Variants in SLC35F1 observed in about 807,000 individuals in gnomAD.
SLC35F1 encodes chromosome 6 open reading frame 169.
Under a neutral mutation model 48.7 loss-of-function variants are expected in SLC35F1, and 14 were observed. The observed-to-expected ratio is 0.29, with a 90% CI of 0.19 to 0.45. The LOEUF (loss-of-function observed/expected upper bound fraction) is 0.45. Among genes scored for constraint, SLC35F1 ranks in the 20% least tolerant of loss-of-function variants. The probability of loss-of-function intolerance (pLI) is 1.00; values close to 1 mark genes in which losing one functional copy is unlikely to be tolerated. For synonymous variants in SLC35F1, 190 were observed against 202.2 expected (o/e 0.94, Z 0.51); for missense variants, 404 against 500.0 (o/e 0.81, Z 1.83).
intron 1 of SLC35F1, among the ~76,000 whole-genome samples, chr6:117,927,098 A>C (rs1406680938): frequency 1.3e-5 from 2 of 152,226 alleles, no homozygotes; most frequent in Admixed American, 6.5e-5. Flanking sequence ...TGTGAAATTC[A>C]GTAAGAGTAC....
intron 6 of SLC35F1, among the ~76,000 whole-genome samples, chr6:118,281,042 A>C (rs1775976822): frequency 6.6e-6 from 1 of 151,974 alleles, no homozygotes; most frequent in Admixed American, 6.6e-5. Flanking sequence ...ATTGTTTTTA[A>C]GAATTACAAA....
At chr6:118,184,477 C>A (rs1308715076) in intron 2 of SLC35F1, among the ~76,000 whole-genome samples, 1 of 152,156 alleles carries the variant, frequency 6.6e-6, no homozygotes, top group African/African-American at 2.4e-5. Flanking sequence ...GCAACCAATG[C>A]CCTAACTCCA....
intron 1 of SLC35F1, among the ~76,000 whole-genome samples, chr6:118,025,547 G>GTGAT (rs1777451253): frequency 6.6e-6 from 1 of 152,152 alleles, no homozygotes; most frequent in Admixed American, 6.5e-5. Context: ...TGAGTGGGGA[G>GTGAT]TGATGTTCCA....
chr6:118,251,703 T>C (rs901210014), intron 3 of SLC35F1, among the ~76,000 whole-genome samples: 1 of 152,126 alleles, frequency 6.6e-6, no homozygotes, highest in African/African-American at 2.4e-5. Flanking sequence ...TAGTTTTAAG[T>C]GGCTAAAAAG....
intron 1 of SLC35F1, among the ~76,000 whole-genome samples, chr6:118,112,477 G>A (rs917760642): frequency 6.6e-6 from 1 of 152,058 alleles, no homozygotes; most frequent in Non-Finnish European, 1.5e-5. Context: ...TGTCTATGAA[G>A]CTGTTCTTTC....
At chr6:118,074,822 C>A (rs779215006) in intron 1 of SLC35F1, among the ~76,000 whole-genome samples, 1 of 152,118 alleles carries the variant, frequency 6.6e-6, no homozygotes, top group Admixed American at 6.5e-5. Flanking sequence ...TAATGTATTT[C>A]TTGTAGAGAT....
chr6:117,936,931 G>T (rs944589646), intron 1 of SLC35F1, among the ~76,000 whole-genome samples: 1 of 152,020 alleles, frequency 6.6e-6, no homozygotes, highest in African/African-American at 2.4e-5. Context: ...CTGCTTCAAT[G>T]ATTTCATAAT....
chr6:118,243,338 G>T (rs73768610), intron 3 of SLC35F1, among the ~76,000 whole-genome samples: 2,130 of 152,244 alleles, frequency 0.014, 57 homozygotes, highest in African/African-American at 0.049. Flanking sequence ...CCTAGACAAG[G>T]CACGGTGGCT....
chr6:117,950,659 A>G (rs1489265521), intron 1 of SLC35F1, among the ~76,000 whole-genome samples: 1 of 152,238 alleles, frequency 6.6e-6, no homozygotes, highest in East Asian at 1.9e-4. Context: ...ACATAGCCAC[A>G]GATTAAAGTA....
chr6:118,040,352 C>T (rs1772195914), intron 1 of SLC35F1, among the ~76,000 whole-genome samples: 1 of 152,136 alleles, frequency 6.6e-6, no homozygotes, highest in Non-Finnish European at 1.5e-5. Context: ...TGTCTGCCTG[C>T]CCTAGTCGTT....
At chr6:117,941,770 G>A (rs1319023084) in intron 1 of SLC35F1, among the ~76,000 whole-genome samples, 1 of 152,164 alleles carries the variant, frequency 6.6e-6, no homozygotes, top group Non-Finnish European at 1.5e-5. Context: ...ATATTTAATA[G>A]TGTTTCTTGT....
intron 2 of SLC35F1, among the ~76,000 whole-genome samples, chr6:118,155,630 A>T (rs924976810): frequency 6.6e-6 from 1 of 152,224 alleles, no homozygotes; most frequent in Non-Finnish European, 1.5e-5. Flanking sequence ...CTCAGGTATT[A>T]TGGAATATGT....
intron 1 of SLC35F1, among the ~76,000 whole-genome samples, chr6:118,124,919 T>C (rs778360485): frequency 6.6e-6 from 1 of 152,148 alleles, no homozygotes; most frequent in Non-Finnish European, 1.5e-5. Context: ...ACGTGCAAAA[T>C]AGATGGTGGC....
At chr6:118,275,031 C>G (rs1562347576) in intron 4 of SLC35F1, among the ~76,000 whole-genome samples, 1 of 152,140 alleles carries the variant, frequency 6.6e-6, no homozygotes, top group Non-Finnish European at 1.5e-5. Context: ...TAGACATTAG[C>G]CAGGTGTGGT....
intron 2 of SLC35F1, among the ~76,000 whole-genome samples, chr6:118,229,181 C>T (rs1775257437): frequency 6.6e-6 from 1 of 152,000 alleles, no homozygotes; most frequent in African/African-American, 2.4e-5. Flanking sequence ...GTTACTATGT[C>T]TGGGGCCTCA....
intron 4 of SLC35F1, among the ~76,000 whole-genome samples, chr6:118,268,278 A>G (rs898911854): frequency 3.9e-5 from 6 of 152,150 alleles, no homozygotes; most frequent in African/African-American, 1.4e-4. Context: ...TCTCTGTCCC[A>G]TGTTGCTGGG....
At chr6:118,296,143 C>A (rs1218181358) in intron 7 of SLC35F1, among the ~76,000 whole-genome samples, 1 of 152,184 alleles carries the variant, frequency 6.6e-6, no homozygotes, top group Non-Finnish European at 1.5e-5. Context: ...AAATAAAGTT[C>A]TATTGGAGCA....
At chr6:118,080,035 A>G (rs1028996301) in intron 1 of SLC35F1, among the ~76,000 whole-genome samples, 1 of 152,202 alleles carries the variant, frequency 6.6e-6, no homozygotes, top group African/African-American at 2.4e-5. Flanking sequence ...TTTTCAACAA[A>G]GTCAGGCTTT....
At chr6:118,151,766 C>T (rs1275299602) in intron 1 of SLC35F1, among the ~76,000 whole-genome samples, 5 of 152,178 alleles carry the variant, frequency 3.3e-5, no homozygotes. Context: ...ATCTTCCTGC[C>T]TTAGCCTCCC....
Sources: allele counts gnomAD v4.1 joint callset (sites outside exome capture counted in the v4.1 genomes callset), GRCh38; gene constraint gnomAD v4.1.1; transcripts MANE v1.5; gene names NCBI Gene and HGNC (gene_info 2026-07-23, HGNC 2026-07-21).